The following TENM2 variants were observed in gnomAD, a reference collection of about 807,000 sequenced individuals.
The protein encoded by TENM2 is teneurin-2.
TENM2 carries 52 observed loss-of-function variants against 245.2 expected under a neutral mutation model. The observed-to-expected ratio is 0.21, with a 90% CI of 0.17 to 0.27. TENM2 has a LOEUF of 0.27. Ranked by LOEUF, TENM2 falls within the 10% of genes least tolerant of loss-of-function variation. The pLI, the probability that TENM2 is intolerant of heterozygous loss-of-function variation, is 1.00. For synonymous variants in TENM2, 1,363 were observed against 1,438.9 expected (o/e 0.95, Z 1.19); for missense variants, 3,046 against 3,666.8 (o/e 0.83, Z 4.37).
intron 12 of TENM2, among the ~76,000 whole-genome samples, chr5:168,141,923 G>C (rs1470271156): frequency 3.3e-5 from 5 of 152,134 alleles, no homozygotes; most frequent in African/African-American, 1.2e-4. Flanking sequence ...TTCTATTTTG[G>C]AGCGATTGGA....
chr5:168,207,806 C>G (rs144337299), intron 19 of TENM2, among the ~76,000 whole-genome samples: 13 of 152,298 alleles, frequency 8.5e-5, no homozygotes, highest in Non-Finnish European at 1.5e-4. Context: ...CCATGGTTCT[C>G]TCACTATCCT....
chr5:167,109,331 C>T, the TENM2 span, among the ~76,000 whole-genome samples: 3 of 150,376 alleles, frequency 2.0e-5, no homozygotes, highest in East Asian at 2.0e-4. Context: ...AAATGTTCAC[C>T]GAGAAAAAGT....
chr5:167,074,032 T>C, the TENM2 span, among the ~76,000 whole-genome samples: 12 of 152,154 alleles, frequency 7.9e-5, no homozygotes, highest in African/African-American at 2.4e-4. Context: ...TTTTATCTTT[T>C]TACAGATCAA....
At chr5:167,867,428 T>A (rs1298452074) in intron 2 of TENM2, among the ~76,000 whole-genome samples, 1 of 152,146 alleles carries the variant, frequency 6.6e-6, no homozygotes, top group Non-Finnish European at 1.5e-5. Context: ...ATGCTTGAGC[T>A]CCTCCTGCAA....
rs570525631 is a variant in TENM2 at position 167,425,333 on chromosome 5, G to A, written c.502+49860G>A. On this transcript the variant is annotated intron_variant, in intron 2 of 28. Transcript: ENST00000518659. Reference sequence around the variant, plus strand: ...ATGCTGGTAAGAGCTTGGACTCCGAGGTCAACAAGTATCTTGACCTTCTGG... The same window carrying A: ...ATGCTGGTAAGAGCTTGGACTCCGAAGTCAACAAGTATCTTGACCTTCTGG... 2.2e-3 allele frequency among the ~76,000 whole-genome samples: 331 copies of A among 152,232 alleles called. 2 individuals are homozygous for A. The highest frequency in any genetic ancestry group is 3.7e-3 in the Non-Finnish European group (250 of 68,016).
At chr5:167,489,743 T>C (rs975792977) in intron 2 of TENM2, among the ~76,000 whole-genome samples, 1 of 152,176 alleles carries the variant, frequency 6.6e-6, no homozygotes, top group Non-Finnish European at 1.5e-5. Context: ...TGGATATACA[T>C]GCTTTTCGTA....
Position 167,746,348 on chromosome 5 carries a change from A to G in TENM2, c.503-129638A>G, listed in dbSNP as rs1761558189. 2.0e-5 allele frequency among the ~76,000 whole-genome samples: 3 copies of G among 152,150 alleles called. 1 individual carries two copies. The South Asian group carries it at 6.2e-4, about 32-fold the overall frequency. ...CAAATATTCTCTTCGAAATTACAGC[A>G]ACCTCAATGGTCACTTCAAACCCAA... On this transcript the variant is annotated intron_variant, in intron 2 of 28. Coordinates refer to ENST00000518659, the Ensembl canonical transcript of TENM2.
intron 13 of TENM2, among the ~76,000 whole-genome samples, chr5:168,176,012 C>T (rs1191496110): frequency 6.6e-6 from 1 of 152,238 alleles, no homozygotes; most frequent in Non-Finnish European, 1.5e-5. Flanking sequence ...GTCTATGCAT[C>T]TTGCCACACA....
At chr5:167,037,832 G>A in the TENM2 span, among the ~76,000 whole-genome samples, 184 of 152,320 alleles carry the variant, frequency 1.2e-3, no homozygotes, top group Non-Finnish European at 1.9e-3. Flanking sequence ...TTCAGAGAGT[G>A]ACTCAGGTCT....
rs1485066718 is a variant in TENM2 at position 167,850,916 on chromosome 5, C to T, written c.503-25070C>T. 2.0e-5 allele frequency among the ~76,000 whole-genome samples: 3 copies of T among 152,170 alleles called. No homozygotes were observed. The East Asian group carries it at 5.8e-4, about 29-fold the overall frequency. ...AGGTTTGGCATTAAAAATGCTAAAT[C>T]ATTACAACTCTGAATTTTCTCATGT... is the stretch of plus-strand genomic sequence containing the variant. On this transcript the variant is annotated intron_variant, in intron 2 of 28. Transcript: ENST00000518659.
In TENM2 at chr5:168,247,978, T is replaced by C. The variant is rs568128834; in HGVS notation, c.7039T>C (p.Tyr2347His). The C allele has an allele frequency of 1.9e-6, 3 of 1,613,958 alleles. No individual in the cohort carries two copies. The highest frequency in any genetic ancestry group is 2.7e-5 in the African/African-American group (2 of 75,034). ...CTCCAACTCGGAGATTACCTCACTG[T>C]ACTACGACCTCCAGGGCCACCTCTT... The change falls in exon 27 of 29, where the codon TAC becomes CAC. Residue 2347 changes from tyrosine to histidine, a missense_variant. Transcript: ENST00000518659. This position sits in a 1 kb window ranked among gnomAD's most constrained non-coding sequence, Gnocchi z 7.8.
chr5:167,575,175 A>T (rs572546566), intron 2 of TENM2, among the ~76,000 whole-genome samples: 1 of 151,872 alleles, frequency 6.6e-6, no homozygotes. Flanking sequence ...CTAATTAAGG[A>T]TAACAGAAAT....
At chr5:168,025,443 A>G (rs759724438) in intron 5 of TENM2, among the ~76,000 whole-genome samples, 1 of 152,172 alleles carries the variant, frequency 6.6e-6, no homozygotes, top group Non-Finnish European at 1.5e-5. Context: ...CATATATGTT[A>G]GTGTTGGGTA....
chr5:168,063,756 C>T (rs1264840888), intron 7 of TENM2, among the ~76,000 whole-genome samples: 2 of 152,180 alleles, frequency 1.3e-5, no homozygotes, highest in Non-Finnish European at 2.9e-5. Context: ...ACTCTTAAGG[C>T]AGCCACTATC....
At chr5:167,977,697 A>T (rs2151955810) in intron 4 of TENM2, among the ~76,000 whole-genome samples, 1 of 152,378 alleles carries the variant, frequency 6.6e-6, no homozygotes, top group South Asian at 2.1e-4. Context: ...TAGGATGCAG[A>T]GAGACTGGCA....
chr5:167,682,241 C>A (rs1236941929), intron 2 of TENM2, among the ~76,000 whole-genome samples: 2 of 151,834 alleles, frequency 1.3e-5, no homozygotes, highest in Non-Finnish European at 2.9e-5. Flanking sequence ...CGGCTCACTG[C>A]AACCTCCATC....
chr5:167,267,319 G>A, the TENM2 span, among the ~76,000 whole-genome samples: 1 of 152,120 alleles, frequency 6.6e-6, no homozygotes, highest in Non-Finnish European at 1.5e-5. Flanking sequence ...TTTAAAGAGT[G>A]TATATCTTTT....
intron 25 of TENM2, among the ~76,000 whole-genome samples, chr5:168,233,380 A>G (rs1438190332): frequency 6.6e-6 from 1 of 152,120 alleles, no homozygotes; most frequent in Non-Finnish European, 1.5e-5. Flanking sequence ...AAGTGCAGGG[A>G]CCAGGTCGCC....
At chr5:167,871,372 A>G (rs13354056) in intron 2 of TENM2, among the ~76,000 whole-genome samples, 21,125 of 152,140 alleles carry the variant, frequency 0.14, 1,545 homozygotes, top group Non-Finnish European at 0.15. Context: ...GCCACTACCA[A>G]TCTATCAGAG....
Sources: allele counts gnomAD v4.1 joint callset (sites outside exome capture counted in the v4.1 genomes callset), GRCh38; gene constraint gnomAD v4.1.1; non-coding constraint Gnocchi (gnomAD v3.1); transcripts MANE v1.5; gene names NCBI Gene and HGNC (gene_info 2026-07-23, HGNC 2026-07-21).